PHTF2: variants seen among roughly 807,000 people sequenced by gnomAD.
PHTF2 encodes the protein protein PHTF2.
A neutral mutation model predicts 101.2 loss-of-function variants in PHTF2; 60 were observed. That is an observed-to-expected ratio of 0.59 (90% confidence interval 0.48 to 0.73). PHTF2 has a LOEUF of 0.73. PHTF2 is among the 30% of genes least tolerant of loss of function. The probability of loss-of-function intolerance (pLI) is 0.00; values close to 1 mark genes in which losing one functional copy is unlikely to be tolerated. For synonymous variants in PHTF2, 311 were observed against 307.3 expected (o/e 1.01, Z -0.13); for missense variants, 747 against 908.7 (o/e 0.82, Z 2.29).
chr7:77,880,608 C>A (rs6953416), intron 3 of PHTF2, among the ~76,000 whole-genome samples: 14,693 of 152,022 alleles, frequency 0.097, 953 homozygotes, highest in South Asian at 0.19. Context: ...ACTCTCCTCA[C>A]CCCCACAACG....
At chr7:77,953,948 C>T (rs904009737) in intron 19 of PHTF2, 54 bp downstream of exon 18, 60 of 1,559,996 alleles carry the variant, frequency 3.8e-5, no homozygotes, top group Non-Finnish European at 3.3e-5. Flanking sequence ...ATTTTTGTTG[C>T]GCCCATTTTA....
At chr7:77,872,454 A>G (rs2150720248) in intron 3 of PHTF2, among the ~76,000 whole-genome samples, 1 of 152,338 alleles carries the variant, frequency 6.6e-6, no homozygotes, top group South Asian at 2.1e-4. Flanking sequence ...ACTGTGATTA[A>G]TTAGCCAATG....
intron 1 of PHTF2, among the ~76,000 whole-genome samples, chr7:77,804,840 T>C (rs1171013308): frequency 6.6e-6 from 1 of 152,240 alleles, no homozygotes; most frequent in Non-Finnish European, 1.5e-5. Context: ...CCCCAAATTA[T>C]TGTCATTTAT....
At chr7:77,875,552 ATTT>A in intron 3 of PHTF2, among the ~76,000 whole-genome samples, 1 of 104,678 alleles carries the variant, frequency 9.6e-6, no homozygotes, top group African/African-American at 4.5e-5. Flanking sequence ...TTATTTATTT[ATTT>A]ATTATTATTA....
At chr7:77,939,215 C>A (rs1487397022) in intron 13 of PHTF2, among the ~76,000 whole-genome samples, 2 of 152,076 alleles carry the variant, frequency 1.3e-5, no homozygotes, top group African/African-American at 4.8e-5. Context: ...TCACCTTTTT[C>A]CCTTTCTGTT....
intron 9 of PHTF2, among the ~76,000 whole-genome samples, chr7:77,912,710 C>CTTTTTTT: frequency 1.2e-5 from 1 of 80,466 alleles, no homozygotes; most frequent in Non-Finnish European, 2.4e-5. Context: ...AGAGAACCAC[C>CTTTTTTT]TTTTTTTTTT....
intron 3 of PHTF2, among the ~76,000 whole-genome samples, chr7:77,892,622 A>G (rs1390443126): frequency 1.3e-5 from 2 of 152,176 alleles, no homozygotes; most frequent in African/African-American, 2.4e-5. Flanking sequence ...ATTCCTAGTC[A>G]CAGTTATATG....
chr7:77,823,747 T>G (rs899926446), intron 1 of PHTF2, among the ~76,000 whole-genome samples: 1 of 152,124 alleles, frequency 6.6e-6, no homozygotes, highest in African/African-American at 2.4e-5. Flanking sequence ...GTAGCTAGAA[T>G]GTATGGATGG....
intron 1 of PHTF2, among the ~76,000 whole-genome samples, chr7:77,803,135 T>C (rs1293165594): frequency 6.6e-6 from 1 of 152,164 alleles, no homozygotes; most frequent in African/African-American, 2.4e-5. Flanking sequence ...AATGAAAATA[T>C]GCTGGATTTT....
intron 16 of PHTF2, among the ~76,000 whole-genome samples, chr7:77,948,096 T>G (rs2150990750): frequency 6.6e-6 from 1 of 152,252 alleles, no homozygotes; most frequent in African/African-American, 2.4e-5. Context: ...TGCCTTGGCC[T>G]CCCAAATTGC....
At chr7:77,903,534 T>A (rs1437601783) in intron 7 of PHTF2, among the ~76,000 whole-genome samples, 1 of 152,232 alleles carries the variant, frequency 6.6e-6, no homozygotes, top group Non-Finnish European at 1.5e-5. Context: ...TATAATTATA[T>A]TGTGTCTGAA....
intron 3 of PHTF2, among the ~76,000 whole-genome samples, chr7:77,888,048 C>T (rs1471289007): frequency 6.6e-6 from 1 of 152,126 alleles, no homozygotes; most frequent in Non-Finnish European, 1.5e-5. Context: ...ACGTTAATTA[C>T]CTTGGTATAT....
chr7:77,940,802 C>A, intron 15 of PHTF2, 143 bp downstream of exon 14: 1 of 546,926 alleles, frequency 1.8e-6, no homozygotes. Flanking sequence ...TTTGTTTCTA[C>A]TAGCCTGGTT....
At chr7:77,879,858 C>T (rs1799263279) in intron 3 of PHTF2, among the ~76,000 whole-genome samples, 1 of 152,170 alleles carries the variant, frequency 6.6e-6, no homozygotes. Flanking sequence ...CTTCTACTCA[C>T]AGTACTTTTC....
chr7:77,942,046 C>T (rs1805678087), intron 15 of PHTF2, among the ~76,000 whole-genome samples: 3 of 152,214 alleles, frequency 2.0e-5, no homozygotes, highest in Admixed American at 6.5e-5. Context: ...TTTACATGAG[C>T]TGTGATCTGT....
chr7:77,860,048 C>T lies in PHTF2; in HGVS notation c.147+5214C>T, dbSNP rs116031471. Reference sequence around the variant, plus strand: ...ACATTCTTTCACTTTTAAAAAACTGCATGTAAGTTAAACCAGAGTGTATAT... The same window carrying T: ...ACATTCTTTCACTTTTAAAAAACTGTATGTAAGTTAAACCAGAGTGTATAT... On this transcript the variant is annotated intron_variant, in intron 3 of 19. Transcript: ENST00000416283. Among the ~76,000 whole-genome samples the T allele has an allele frequency of 5.2e-3, 795 of 152,200 alleles. 6 individuals are homozygous for T. The highest frequency in any genetic ancestry group is 0.018 in the African/African-American group (738 of 41,528).
At chr7:77,913,387 GA>G (rs58943092) in intron 9 of PHTF2, among the ~76,000 whole-genome samples, 4,566 of 98,112 alleles carry the variant, frequency 0.047, 77 homozygotes, top group Middle Eastern at 0.068. Context: ...GACTCTGTCT[GA>G]AAAAAAAAAA....
chr7:77,952,424 C>T (rs1233013411), intron 18 of PHTF2, among the ~76,000 whole-genome samples: 1 of 152,002 alleles, frequency 6.6e-6, no homozygotes, highest in African/African-American at 2.4e-5. Flanking sequence ...GACTATGCAC[C>T]ACATAGTATT....
At chr7:77,848,552 GATT>G (rs1165314274) in intron 2 of PHTF2, among the ~76,000 whole-genome samples, 1 of 152,104 alleles carries the variant, frequency 6.6e-6, no homozygotes, top group East Asian at 1.9e-4. Flanking sequence ...TTTTAAAATG[GATT>G]ATTAGATTTT....
Sources: allele counts gnomAD v4.1 joint callset (sites outside exome capture counted in the v4.1 genomes callset), GRCh38; gene constraint gnomAD v4.1.1; transcripts MANE v1.5; gene names NCBI Gene and HGNC (gene_info 2026-07-23, HGNC 2026-07-21).